RBFOX1: variants seen among roughly 807,000 people sequenced by gnomAD.
RBFOX1 encodes the protein RNA binding protein fox-1 homolog 1.
A neutral mutation model predicts 57.7 loss-of-function variants in RBFOX1; 8 were observed. The ratio of observed to expected loss-of-function variants is 0.14; its 90% confidence interval spans 0.08 to 0.25. The LOEUF is 0.25. Among genes scored for constraint, RBFOX1 ranks in the 10% least tolerant of loss-of-function variants. The pLI is 1.00. For missense variants in RBFOX1, 611 were observed against 548.5 expected, an observed-to-expected ratio of 1.11 and a Z score of -1.14; for synonymous variants, 326 against 222.4, an observed-to-expected ratio of 1.47 and a Z score of -4.15.
At chr16:5,655,292 G>C (rs1198616937) in intron 3 of RBFOX1, among the ~76,000 whole-genome samples, 2 of 152,132 alleles carry the variant, frequency 1.3e-5, no homozygotes, top group East Asian at 3.9e-4. Flanking sequence ...TTTGAGTGTG[G>C]ACTTGATAGT....
At chr16:7,135,533 A>T (rs758222186) in intron 4 of RBFOX1, among the ~76,000 whole-genome samples, 2 of 152,242 alleles carry the variant, frequency 1.3e-5, no homozygotes, top group Non-Finnish European at 2.9e-5. Context: ...GAGCAATAAG[A>T]AGATAATTAA....
intron 3 of RBFOX1, among the ~76,000 whole-genome samples, chr16:5,808,337 T>G (rs1471861945): frequency 6.6e-6 from 1 of 152,230 alleles, no homozygotes. Context: ...TAGTATAGTT[T>G]GAAGTCAGGT....
chr16:7,393,930 A>G (rs1254727173), intron 4 of RBFOX1, among the ~76,000 whole-genome samples: 2 of 152,088 alleles, frequency 1.3e-5, no homozygotes, highest in African/African-American at 4.8e-5. Context: ...TGGCTGAGGC[A>G]CCAGCTTTAA....
At chr16:6,266,841 T>C (rs1172403278) in intron 1 of RBFOX1, among the ~76,000 whole-genome samples, 1 of 152,174 alleles carries the variant, frequency 6.6e-6, no homozygotes, top group African/African-American at 2.4e-5. Context: ...CCCTCATAAT[T>C]AGTTTTTTTG....
chr16:6,515,355 A>C (rs564588818), intron 2 of RBFOX1, among the ~76,000 whole-genome samples: 1 of 152,218 alleles, frequency 6.6e-6, no homozygotes, highest in South Asian at 2.1e-4. Context: ...CTACTCAAAC[A>C]ACCTTCAGAA....
At chr16:6,931,345 A>AT (rs1597567887) in intron 3 of RBFOX1, among the ~76,000 whole-genome samples, 2 of 113,684 alleles carry the variant, frequency 1.8e-5, no homozygotes, top group Non-Finnish European at 4.2e-5. Context: ...ATCTCTACAC[A>AT]CACACACACA....
chr16:7,532,862 GAA>G (rs759197423), intron 5 of RBFOX1, among the ~76,000 whole-genome samples: 4 of 152,140 alleles, frequency 2.6e-5, no homozygotes, highest in African/African-American at 4.8e-5. Context: ...ACCCTCAACA[GAA>G]AAAGTTTGGC....
chr16:7,549,633 C>T (rs542138368), intron 5 of RBFOX1, among the ~76,000 whole-genome samples: 2 of 152,234 alleles, frequency 1.3e-5, no homozygotes, highest in East Asian at 1.9e-4. Context: ...GCTGAAGAAC[C>T]TGGAGTCTGT....
intron 3 of RBFOX1, among the ~76,000 whole-genome samples, chr16:6,959,267 T>A (rs1428838614): frequency 6.6e-6 from 1 of 152,198 alleles, no homozygotes; most frequent in Non-Finnish European, 1.5e-5. Context: ...TGTGAGGCCA[T>A]GTTTATGTGG....
At chr16:6,348,411 T>C (rs2085737506) in intron 2 of RBFOX1, among the ~76,000 whole-genome samples, 1 of 152,184 alleles carries the variant, frequency 6.6e-6, no homozygotes, top group African/African-American at 2.4e-5. Context: ...CTATGGCAAA[T>C]GCTGCCCTTA....
intron 11 of RBFOX1, among the ~76,000 whole-genome samples, chr16:7,649,852 C>A (rs923757446): frequency 1.3e-5 from 2 of 151,932 alleles, no homozygotes; most frequent in South Asian, 4.2e-4. Context: ...TTTACATGAA[C>A]CAGGGGAGGA....
At chr16:6,129,707 A>G (rs2096615942) in intron 1 of RBFOX1, among the ~76,000 whole-genome samples, 1 of 151,140 alleles carries the variant, frequency 6.6e-6, no homozygotes, top group Non-Finnish European at 1.5e-5. Context: ...AGAATTAAAA[A>G]AAAAAAAAAG....
intron 3 of RBFOX1, among the ~76,000 whole-genome samples, chr16:7,008,621 C>A (rs537380631): frequency 7.2e-6 from 1 of 138,378 alleles, no homozygotes; most frequent in African/African-American, 2.8e-5. Flanking sequence ...AAATTCCCTC[C>A]CTCCCTCCCT....
intron 1 of RBFOX1, among the ~76,000 whole-genome samples, chr16:6,124,684 TTTTG>T (rs1567513050): frequency 6.6e-6 from 1 of 151,884 alleles, no homozygotes; most frequent in Non-Finnish European, 1.5e-5. Flanking sequence ...TGTTGTTGTT[TTTTG>T]TTTGTTTGTT....
rs571282724 is a variant in RBFOX1 at position 6,282,272 on chromosome 16, G to C, written c.-126-34723G>C. ...GAAAAATCTAAGGAAAATTTTACAAGGTAATTTTTGTCTCCTTTTCTGAAC... is the reference window on the plus strand; with the variant it reads ...GAAAAATCTAAGGAAAATTTTACAACGTAATTTTTGTCTCCTTTTCTGAAC... On this transcript the variant is annotated intron_variant, in intron 1 of 15. Transcript: ENST00000550418. Among the ~76,000 whole-genome samples the C allele has an allele frequency of 4.0e-5, 6 of 151,494 alleles. No homozygotes were observed. The South Asian group carries it at 1.3e-3, about 32-fold the overall frequency.
intron 2 of RBFOX1, among the ~76,000 whole-genome samples, chr16:6,341,088 T>C (rs763568755): frequency 6.6e-6 from 1 of 152,176 alleles, no homozygotes; most frequent in African/African-American, 2.4e-5. Flanking sequence ...TCACAAATCA[T>C]TGATTTAAAA....
At chr16:7,012,472 G>C (rs1232135584) in intron 3 of RBFOX1, among the ~76,000 whole-genome samples, 1 of 152,170 alleles carries the variant, frequency 6.6e-6, no homozygotes, top group Non-Finnish European at 1.5e-5. Flanking sequence ...AGTCGCATCT[G>C]TCTCATTTCC....
chr16:5,284,650 TC>T (rs1381427555), intron 1 of RBFOX1, among the ~76,000 whole-genome samples: 2 of 151,300 alleles, frequency 1.3e-5, no homozygotes, highest in African/African-American at 4.9e-5. Flanking sequence ...CAAATGATCT[TC>T]CTGCCTCAGT....
intron 2 of RBFOX1, among the ~76,000 whole-genome samples, chr16:6,590,564 T>C (rs1255030166): frequency 6.6e-6 from 1 of 152,186 alleles, no homozygotes; most frequent in Non-Finnish European, 1.5e-5. Context: ...ACTCATTTAG[T>C]GAGAGTTCTA....
Sources: allele counts gnomAD v4.1 joint callset (sites outside exome capture counted in the v4.1 genomes callset), GRCh38; gene constraint gnomAD v4.1.1; transcripts MANE v1.5; gene names NCBI Gene and HGNC (gene_info 2026-07-23, HGNC 2026-07-21).